Variants in NOD1 observed in about 807,000 individuals in gnomAD.
The protein encoded by NOD1 is nucleotide binding oligomerization domain containing 1.
Under a neutral mutation model 81.2 loss-of-function variants are expected in NOD1, and 70 were observed. The ratio of observed to expected loss-of-function variants is 0.86; its 90% CI spans 0.71 to 1.05. NOD1 has a LOEUF of 1.05. Ranked by LOEUF, NOD1 falls within the 50% of genes least tolerant of loss-of-function variation. The pLI is 0.00. For missense variants in NOD1, 1,233 were observed against 1,228.0 expected, an observed-to-expected ratio of 1.00 and a Z score of -0.06; for synonymous variants, 508 against 526.9, an observed-to-expected ratio of 0.96 and a Z score of 0.49.
At chr7:30,457,737 G>T (rs960701707) in intron 3 of NOD1, among the ~76,000 whole-genome samples, 18 of 152,192 alleles carry the variant, frequency 1.2e-4, no homozygotes, top group Admixed American at 6.5e-5. Context: ...GACCTGTGGG[G>T]TTTGGTGGGA....
At chr7:30,461,216 C>G (rs185493283) in intron 1 of NOD1, among the ~76,000 whole-genome samples, 1 of 152,250 alleles carries the variant, frequency 6.6e-6, no homozygotes, top group Non-Finnish European at 1.5e-5. Context: ...CTCACTCTGT[C>G]GCCCAGGCTG....
In NOD1 at chr7:30,455,277, C is replaced by T; in HGVS notation, c.236G>A (p.Gly79Asp). Residue 79 changes from glycine (G) to aspartate (D), a missense_variant, in exon 5 of 14, where the codon GGC becomes GAC. By Grantham distance (94) the Gly-to-Asp change is moderately conservative (BLOSUM62 -1). Transcript: ENST00000222823. ...RKILDLVQSK[G>D]EEVSEFFLYL... ...GAGGAAGAACTCGGACACCTCCTCG[C>T]CCTTGCTCTGTACCAGGTCCAGAAT... The T allele has an allele frequency of 6.2e-7, 1 of 1,614,120 alleles. No homozygotes were observed.
chr7:30,425,698 G>A lies in NOD1; in HGVS notation c.2802C>T (p.Asn934=), dbSNP rs761985703. The change falls in exon 14 of 14, where the codon AAC becomes AAT. Residue 934 remains asparagine, a synonymous_variant. Coordinates refer to ENST00000222823, the MANE Select transcript of NOD1 (RefSeq NM_006092.4). ...TGITEICLNG[N]LIKPEEAKVY... ...CTTTGGCCTCCTCTGGTTTTATCAG[G>A]TTTCCATTTAGGCTGTTGAAAAGGA... The A allele has an allele frequency of 7.4e-6, 12 of 1,612,968 alleles. No individual in the cohort carries two copies. The highest frequency in any genetic ancestry group is 3.3e-5 in the Admixed American group (2 of 60,006).
At chr7:30,474,575 G>A (rs1466484902) in intron 1 of NOD1, among the ~76,000 whole-genome samples, 1 of 152,262 alleles carries the variant, frequency 6.6e-6, no homozygotes, top group Non-Finnish European at 1.5e-5. Flanking sequence ...GATCCCTCGC[G>A]TGTGCGGTTC....
intron 6 of NOD1, among the ~76,000 whole-genome samples, chr7:30,449,257 G>A (rs1336006460): frequency 6.6e-6 from 1 of 152,186 alleles, no homozygotes; most frequent in East Asian, 1.9e-4. Flanking sequence ...AGAGTCCCCA[G>A]CTTGGTGCTG....
At chr7:30,471,888 T>A (rs928084780) in intron 1 of NOD1, among the ~76,000 whole-genome samples, 1 of 152,206 alleles carries the variant, frequency 6.6e-6, no homozygotes, top group African/African-American at 2.4e-5. Flanking sequence ...TTTACACTCA[T>A]CTGTCCCAGA....
At chr7:30,433,516 TCTCC>T in intron 11 of NOD1, 2 of 329,080 alleles carry the variant, frequency 6.1e-6, no homozygotes, top group South Asian at 5.2e-5. Context: ...GCTTCTCAGT[TCTCC>T]TCTAGTCCCA....
intron 13 of NOD1, among the ~76,000 whole-genome samples, chr7:30,427,708 T>C (rs891389685): frequency 3.9e-5 from 6 of 152,206 alleles, no homozygotes; most frequent in Non-Finnish European, 7.3e-5. Context: ...CTGGCCCTAC[T>C]AAAATGGTTC....
Position 30,437,581 on chromosome 7 carries a change from G to A in NOD1, c.2529C>T (p.Thr843=). 2 of 1,505,030 alleles carry A rather than the reference G, an allele frequency of 1.3e-6. No homozygotes were observed. The highest frequency in any genetic ancestry group is 1.8e-6 in the Non-Finnish European group (2 of 1,139,224). The allele number at this position is 1,505,030 out of a possible 1,614,324, so 93.2% of individuals were successfully genotyped here. ...AGCAGGGCCACAGTTACCTCAGGGTGGTCAAGCTGGGGTGGTTCCGCAGAG... is the reference window on the plus strand; with the variant it reads ...AGCAGGGCCACAGTTACCTCAGGGTAGTCAAGCTGGGGTGGTTCCGCAGAG... ...AEALRNHPSL[T]TLSLASNGIS... is the part of the protein sequence containing the mutation. The change falls in exon 10 of 14, where the codon ACC becomes ACT. Residue 843 remains threonine (T), a synonymous_variant. Transcript: ENST00000222823.
intron 9 of NOD1, among the ~76,000 whole-genome samples, 167 bp downstream of exon 9, chr7:30,445,974 A>T (rs554211098): frequency 6.6e-6 from 1 of 151,882 alleles, no homozygotes; most frequent in South Asian, 2.1e-4. Flanking sequence ...TTATTGCTTA[A>T]TGGGCACGGT....
intron 11 of NOD1, among the ~76,000 whole-genome samples, chr7:30,434,424 G>A (rs140134594): frequency 6.3e-4 from 96 of 152,214 alleles, no homozygotes; most frequent in African/African-American, 2.2e-3. Flanking sequence ...CGGCTAAACC[G>A]TCTATGATGC....
At chr7:30,439,766 G>GGCCT (rs1435276147) in intron 9 of NOD1, among the ~76,000 whole-genome samples, 2 of 59,522 alleles carry the variant, frequency 3.4e-5, no homozygotes, top group Admixed American at 1.9e-4. Context: ...AGCTCAAGGA[G>GGCCT]GCCTGCCTGC....
chr7:30,435,928 A>T, intron 11 of NOD1, 70 bp downstream of exon 11: 1 of 1,317,174 alleles, frequency 7.6e-7, no homozygotes, highest in African/African-American at 1.4e-5. Flanking sequence ...AATGCACTCA[A>T]GCCTGGACGA....
chr7:30,426,916 C>G (rs1286001263), intron 13 of NOD1, among the ~76,000 whole-genome samples: 3 of 152,232 alleles, frequency 2.0e-5, no homozygotes. Flanking sequence ...GAGAGGCCTT[C>G]CCTGCAACCT....
intron 9 of NOD1, among the ~76,000 whole-genome samples, chr7:30,438,877 C>A (rs967955956): frequency 2.6e-5 from 4 of 152,166 alleles, no homozygotes; most frequent in Non-Finnish European, 4.4e-5. Context: ...GAGAGCTTAA[C>A]TGAGCTTAAA....
Position 30,451,819 on chromosome 7 carries a change from T to C in NOD1, c.1598A>G (p.Asp533Gly). The change falls in exon 6 of 14, where the codon GAC becomes GGC. Residue 533 changes from aspartate to glycine, a missense_variant. Coordinates refer to ENST00000222823, the MANE Select transcript of NOD1 (RefSeq NM_006092.4). The surrounding 1 kb of genome is among the most constrained non-coding windows in gnomAD (Gnocchi z 4.2). ...GAGCAGCTCCTGAGTGCCCACCCTG[T>C]CGTCCAGCACGAGGAAGAAGGCTGT... ...FFTAFFLVLD[D>G]RVGTQELLRF... 6.2e-7 allele frequency: 1 copy of C among 1,613,782 alleles called. No individual in the cohort carries two copies. The highest frequency in any genetic ancestry group is 8.5e-7 in the Non-Finnish European group (1 of 1,180,000).
chr7:30,452,248 A>G lies in NOD1; in HGVS notation c.1169T>C (p.Val390Ala). Reference protein sequence around the residue: ...ANPNLCSLCSVPLFCWIIFRC... With the variant: ...ANPNLCSLCSAPLFCWIIFRC... ...GAAGATGATCCAGCAGAAGAGGGGCACAGAGCACAGGCTGCAGAGGTTGGG... is the reference window on the plus strand; with the variant it reads ...GAAGATGATCCAGCAGAAGAGGGGCGCAGAGCACAGGCTGCAGAGGTTGGG... The change falls in exon 6 of 14, where the codon GTG becomes GCG. Residue 390 changes from valine to alanine, a missense_variant. Val to Ala is a moderately conservative substitution (Grantham distance 64). Transcript: ENST00000222823. The G allele has an allele frequency of 6.2e-7, 1 of 1,613,772 alleles. No individual in the cohort carries two copies. The highest frequency in any genetic ancestry group is 1.3e-5 in the African/African-American group (1 of 75,058).
chr7:30,466,477 A>G (rs1194405795), intron 1 of NOD1, among the ~76,000 whole-genome samples: 1 of 152,096 alleles, frequency 6.6e-6, no homozygotes, highest in Non-Finnish European at 1.5e-5. Context: ...CAAAGGACAT[A>G]AGATATGAGG....
intron 13 of NOD1, among the ~76,000 whole-genome samples, chr7:30,428,211 C>T (rs1370848228): frequency 1.3e-5 from 2 of 152,164 alleles, no homozygotes; most frequent in Non-Finnish European, 2.9e-5. Flanking sequence ...GCTGGGACTA[C>T]AGGCACATAG....
Sources: gnomAD v4.1 joint callset for allele counts (sites outside exome capture counted in the v4.1 genomes callset) on GRCh38, gnomAD v4.1.1 for gene constraint, Gnocchi (gnomAD v3.1) non-coding constraint, MANE v1.5 for transcripts, NCBI Gene and HGNC (gene_info 2026-07-23, HGNC 2026-07-21) for gene names.